The following SLC2A9 variants were observed in gnomAD, a reference collection of about 807,000 sequenced individuals.
The protein encoded by SLC2A9 is solute carrier family 2 member 9.
In SLC2A9, 39 loss-of-function variants were observed where a neutral mutation model predicts 50.6. The ratio of observed to expected loss-of-function variants is 0.77; its 90% CI spans 0.60 to 1.01. The LOEUF (loss-of-function observed/expected upper bound fraction) is 1.01, where lower values mean the gene tolerates loss of function less well. Among genes scored for constraint, SLC2A9 ranks in the 50% least tolerant of loss-of-function variants. The pLI is 0.00. For missense variants in SLC2A9, 686 were observed against 677.6 expected (o/e 1.01, Z -0.14); for synonymous variants, 324 against 276.9 (o/e 1.17, Z -1.69).
chr4:9,861,571 G>A, intron 10 of SLC2A9, among the ~76,000 whole-genome samples: 1 of 152,032 alleles, frequency 6.6e-6, no homozygotes, highest in East Asian at 1.9e-4. Flanking sequence ...TTGAGGGCAG[G>A]GATTTTGTTT....
intron 3 of SLC2A9, among the ~76,000 whole-genome samples, chr4:9,792,163 CTTTTT>C (rs34289788): frequency 5.2e-5 from 4 of 77,224 alleles, no homozygotes; most frequent in African/African-American, 9.9e-5. Context: ...TTCTATGTTT[CTTTTT>C]TTTTTTTTTT....
chr4:9,779,951 T>C (rs1452807475), exon 4 of SLC2A9: 3 of 152,326 alleles, frequency 2.0e-5, no homozygotes, highest in Admixed American at 1.3e-4. Flanking sequence ...TCATTCCAGG[T>C]TGAGGAAATA....
chr4:9,871,296 G>C (rs915078679), intron 10 of SLC2A9, among the ~76,000 whole-genome samples: 27 of 152,112 alleles, frequency 1.8e-4, no homozygotes, highest in African/African-American at 6.3e-4. Context: ...GGCTATATTC[G>C]TTTTCTAGGG....
chr4:9,984,411 T>A (rs567627279), intron 4 of SLC2A9, among the ~76,000 whole-genome samples: 5 of 150,818 alleles, frequency 3.3e-5, no homozygotes, highest in Admixed American at 3.3e-4. Context: ...TATGTGTATA[T>A]GTGTGTGTGT....
intron 7 of SLC2A9, among the ~76,000 whole-genome samples, chr4:9,915,361 C>T (rs1742672318): frequency 6.6e-6 from 1 of 152,214 alleles, no homozygotes; most frequent in Non-Finnish European, 1.5e-5. Flanking sequence ...CCTCAGCCTC[C>T]TGAGTATCTG....
intron 10 of SLC2A9, among the ~76,000 whole-genome samples, chr4:9,840,210 C>A (rs1051724906): frequency 6.6e-6 from 1 of 152,220 alleles, no homozygotes; most frequent in South Asian, 2.1e-4. Context: ...AAGATACTAA[C>A]AAAACTTAAA....
chr4:9,778,123 C>T (rs2108834460), downstream of SLC2A9, among the ~76,000 whole-genome samples: 1 of 147,704 alleles, frequency 6.8e-6, no homozygotes, highest in Non-Finnish European at 1.5e-5. Flanking sequence ...CTTCTCCCCG[C>T]CTCCCCCGAG....
intron 1 of SLC2A9, among the ~76,000 whole-genome samples, chr4:10,028,839 A>T (rs1444494530): frequency 6.6e-6 from 1 of 151,986 alleles, no homozygotes; most frequent in Non-Finnish European, 1.5e-5. Context: ...TAATCACAGA[A>T]CTTCCCCCAC....
At chr4:9,983,612 G>A (rs1404433746) in intron 4 of SLC2A9, among the ~76,000 whole-genome samples, 3 of 152,162 alleles carry the variant, frequency 2.0e-5, no homozygotes, top group Non-Finnish European at 4.4e-5. Context: ...TGAAGCCACC[G>A]CAGACACATG....
chr4:9,970,579 A>G (rs1442248897), intron 5 of SLC2A9, among the ~76,000 whole-genome samples: 1 of 152,118 alleles, frequency 6.6e-6, no homozygotes, highest in East Asian at 1.9e-4. Flanking sequence ...GAACCCAGCT[A>G]GCTGGGTTAA....
chr4:9,887,232 G>C (rs1736434306), intron 10 of SLC2A9, among the ~76,000 whole-genome samples: 1 of 152,230 alleles, frequency 6.6e-6, no homozygotes, highest in African/African-American at 2.4e-5. Context: ...GACGGTAACT[G>C]CTTAGGCACA....
chr4:10,013,728 C>T (rs554755541), intron 2 of SLC2A9, among the ~76,000 whole-genome samples: 29 of 152,290 alleles, frequency 1.9e-4, no homozygotes, highest in African/African-American at 6.7e-4. Context: ...GCAGGGCCAA[C>T]GGCAGCTACT....
chr4:9,888,480 G>A (rs1047606997), intron 9 of SLC2A9, among the ~76,000 whole-genome samples: 34 of 152,084 alleles, frequency 2.2e-4, no homozygotes, highest in African/African-American at 7.7e-4. Flanking sequence ...GGGGGTGGGT[G>A]GCTTGGTGCT....
intron 6 of SLC2A9, among the ~76,000 whole-genome samples, chr4:9,931,513 G>A (rs995567206): frequency 1.3e-5 from 2 of 152,114 alleles, no homozygotes; most frequent in African/African-American, 4.8e-5. Flanking sequence ...CAGGCTTTGT[G>A]CGAGGTGTCT....
intron 3 of SLC2A9, among the ~76,000 whole-genome samples, chr4:9,988,906 G>A (rs1757201188): frequency 6.6e-6 from 1 of 152,242 alleles, no homozygotes; most frequent in Admixed American, 6.5e-5. Flanking sequence ...CTTTAACTTG[G>A]TGCAGAGCAC....
intron 10 of SLC2A9, among the ~76,000 whole-genome samples, chr4:9,886,502 C>T (rs1736294758): frequency 6.7e-6 from 1 of 150,136 alleles, no homozygotes; most frequent in South Asian, 2.1e-4. Flanking sequence ...CACCTGATGC[C>T]CTCCCCAACC....
At chr4:9,985,838 C>T in intron 3 of SLC2A9, 45 bp from the exon 4 acceptor site, 1 of 1,613,308 alleles carries the variant, frequency 6.2e-7, no homozygotes, top group Non-Finnish European at 8.5e-7. Context: ...AACCATGAGG[C>T]ATGTCACTGA....
At chr4:9,908,102 G>A in intron 8 of SLC2A9, 133 bp downstream of exon 8, 1 of 727,894 alleles carries the variant, frequency 1.4e-6, no homozygotes, top group Non-Finnish European at 2.5e-6. Context: ...TTTGCTGAAT[G>A]ATAGGAAACC....
At chr4:9,989,507 C>T (rs1177584436) in intron 3 of SLC2A9, among the ~76,000 whole-genome samples, 1 of 152,008 alleles carries the variant, frequency 6.6e-6, no homozygotes. Context: ...AGACCCTTCC[C>T]ACATGCCCTC....
Sources: gnomAD v4.1 joint callset for allele counts (sites outside exome capture counted in the v4.1 genomes callset) on GRCh38, gnomAD v4.1.1 for gene constraint, MANE v1.5 for transcripts, NCBI Gene and HGNC (gene_info 2026-07-23, HGNC 2026-07-21) for gene names.